The following WWP2 variants were observed in gnomAD, a reference collection of about 807,000 sequenced individuals.
WWP2 encodes the protein WW domain containing E3 ubiquitin protein ligase 2.
A neutral mutation model predicts 121.0 loss-of-function variants in WWP2; 57 were observed. That is an observed-to-expected ratio of 0.47 (90% CI 0.38 to 0.59). The LOEUF (loss-of-function observed/expected upper bound fraction) is 0.59, where lower values mean the gene tolerates loss of function less well. WWP2 is among the 20% of genes least tolerant of loss of function. The probability of loss-of-function intolerance (pLI) is 0.00; values close to 1 mark genes in which losing one functional copy is unlikely to be tolerated. For synonymous variants in WWP2, 449 were observed against 441.3 expected, an observed-to-expected ratio of 1.02 and a Z score of -0.22; for missense variants, 962 against 1,158.9, an observed-to-expected ratio of 0.83 and a Z score of 2.47.
chr16:69,796,358 G>A (rs1054717708), intron 2 of WWP2, among the ~76,000 whole-genome samples: 1 of 152,112 alleles, frequency 6.6e-6, no homozygotes, highest in African/African-American at 2.4e-5. Context: ...CTAATCTGCC[G>A]AGCATCATAG....
chr16:69,876,441 T>C (rs1401767955), intron 7 of WWP2, among the ~76,000 whole-genome samples: 1 of 151,438 alleles, frequency 6.6e-6, no homozygotes, highest in Non-Finnish European at 1.5e-5. Context: ...CTTGGCTCAC[T>C]ATAACCTACA....
At chr16:69,818,140 A>G (rs1209234742) in intron 4 of WWP2, among the ~76,000 whole-genome samples, 1 of 151,418 alleles carries the variant, frequency 6.6e-6, no homozygotes, top group African/African-American at 2.4e-5. Flanking sequence ...AGGCAAAGTG[A>G]TTTCTCTTTG....
intron 1 of WWP2, among the ~76,000 whole-genome samples, chr16:69,770,272 C>G (rs2055388070): frequency 6.6e-6 from 1 of 152,162 alleles, no homozygotes; most frequent in Admixed American, 6.6e-5. Flanking sequence ...AGGGTTGGCA[C>G]TTTTAGTCCC....
chr16:69,856,815 A>G (rs2057323052), intron 6 of WWP2, among the ~76,000 whole-genome samples: 1 of 151,292 alleles, frequency 6.6e-6, no homozygotes, highest in Non-Finnish European at 1.5e-5. Context: ...CAACAACAAA[A>G]CCCGTTTGGT....
rs114037522 is a variant in WWP2, at chr16:69,880,972, C to T, written c.704-7067C>T. Among the ~76,000 whole-genome samples the T allele has an allele frequency of 8.0e-3, 1,215 of 152,262 alleles. 17 individuals are homozygous for T. Among genetic ancestry groups the T allele is most frequent in the African/African-American group, 0.027 (1,103 of 41,540 alleles). On this transcript the variant is annotated intron_variant, in intron 7 of 23. Coordinates refer to ENST00000359154, the MANE Select transcript of WWP2 (RefSeq NM_001270454.2). ...CTCTAGGATTAAGCAAAAGAATTTC[C>T]AATTCCTGATCTTTTTTTTGGCTAA... is the stretch of plus-strand genomic sequence containing the variant.
At chr16:69,884,167 C>G (rs1426333415) in intron 7 of WWP2, among the ~76,000 whole-genome samples, 1 of 152,216 alleles carries the variant, frequency 6.6e-6, no homozygotes, top group Non-Finnish European at 1.5e-5. Context: ...TGTGTATGCA[C>G]ACAAACTCAC....
chr16:69,773,612 C>G (rs2055464494), intron 1 of WWP2, among the ~76,000 whole-genome samples: 1 of 152,052 alleles, frequency 6.6e-6, no homozygotes, highest in African/African-American at 2.4e-5. Context: ...TCCTGAGTAG[C>G]TGGGACTACA....
chr16:69,800,728 C>G (rs1039215034), intron 4 of WWP2, among the ~76,000 whole-genome samples: 33 of 151,480 alleles, frequency 2.2e-4, no homozygotes, highest in African/African-American at 7.5e-4. Flanking sequence ...CCATTCCCAG[C>G]TAATTTTTGT....
At chr16:69,855,529 G>A (rs943253546) in intron 6 of WWP2, among the ~76,000 whole-genome samples, 2 of 152,174 alleles carry the variant, frequency 1.3e-5, no homozygotes, top group Non-Finnish European at 2.9e-5. Context: ...TAAAAAATGA[G>A]TTTGATTCAT....
intron 6 of WWP2, among the ~76,000 whole-genome samples, chr16:69,853,333 C>A (rs1374702147): frequency 6.6e-6 from 1 of 152,158 alleles, no homozygotes; most frequent in Non-Finnish European, 1.5e-5. Flanking sequence ...AGTTCACATG[C>A]CAAGAAACTA....
rs769042617 is a variant in WWP2, at chr16:69,908,790, G to A, written c.944G>A (p.Arg315His). ...GWEQRELPNGRVYYVDHNTKT... is the reference protein window; with the variant it reads ...GWEQRELPNGHVYYVDHNTKT... ...GAACAGCGAGAGCTGCCCAACGGAC[G>A]TGTCTATTATGTTGACCACAATACC... Residue 315 changes from arginine (R) to histidine (H), a missense_variant, in exon 9 of 24, where the codon CGT becomes CAT. Around this residue, in one of 3 missense-constraint regions of WWP2, gnomAD observed 606 missense variants for 772.6 expected, o/e 0.78. Coordinates refer to ENST00000359154, the MANE Select transcript of WWP2 (RefSeq NM_001270454.2). 1.2e-5 allele frequency: 19 copies of A among 1,614,048 alleles called. No homozygotes were observed. The highest frequency in any genetic ancestry group is 2.2e-5 in the East Asian group (1 of 44,894).
In WWP2 at chr16:69,799,823, T is replaced by C. The variant is rs1415107366; in HGVS notation, c.340+528T>C. Among the ~76,000 whole-genome samples the C allele has an allele frequency of 6.6e-6, 1 of 152,156 alleles. No homozygotes were observed. Among genetic ancestry groups the C allele is most frequent in the African/African-American group, 2.4e-5 (1 of 41,440 alleles). On this transcript the variant is annotated intron_variant, in intron 4 of 23. Coordinates refer to ENST00000359154, the MANE Select transcript of WWP2 (RefSeq NM_001270454.2). The surrounding 1 kb of genome is among the most constrained non-coding windows in gnomAD (Gnocchi z 4.5). Reference sequence around the variant, plus strand: ...ATGTTGGAACGTGATGGACGCGCCATCTGAATTAGCCAACGTGCCTCTACG... The same window carrying C: ...ATGTTGGAACGTGATGGACGCGCCACCTGAATTAGCCAACGTGCCTCTACG...
chr16:69,907,924 G>A (rs2058318566), intron 8 of WWP2, among the ~76,000 whole-genome samples: 1 of 152,138 alleles, frequency 6.6e-6, no homozygotes, highest in African/African-American at 2.4e-5. Context: ...TATGATGCTC[G>A]GAGGAGAGGG....
At chr16:69,852,177 C>T (rs2057228453) in intron 6 of WWP2, among the ~76,000 whole-genome samples, 1 of 152,152 alleles carries the variant, frequency 6.6e-6, no homozygotes, top group Admixed American at 6.6e-5. Context: ...ACATCTTCAC[C>T]AGGTTTGATG....
At position 69,905,491 on chromosome 16, in the gene WWP2, C is replaced by T. The variant is rs75627846; in HGVS notation, c.915-3270C>T. Among the ~76,000 whole-genome samples the T allele has an allele frequency of 3.0e-3, 455 of 152,178 alleles. 2 individuals are homozygous for T. The highest frequency in any genetic ancestry group is 1.0e-2 in the African/African-American group (415 of 41,518). On this transcript the variant is annotated intron_variant, in intron 8 of 23. Transcript: ENST00000359154. ...CCCAAATCCAGAACTTTTTGAGTTC[C>T]GACATGATGCTTAAAGGAAATACTG...
At chr16:69,878,830 TTGAG>T (rs1292186959) in intron 7 of WWP2, among the ~76,000 whole-genome samples, 6 of 152,330 alleles carry the variant, frequency 3.9e-5, no homozygotes, top group Non-Finnish European at 8.8e-5. Context: ...GCTTTGTTTC[TTGAG>T]TGAAATTCTT....
At chr16:69,905,989 T>G (rs1327041672) in intron 8 of WWP2, among the ~76,000 whole-genome samples, 6 of 152,196 alleles carry the variant, frequency 3.9e-5, no homozygotes, top group Non-Finnish European at 2.9e-5. Flanking sequence ...TCGTGGTAGA[T>G]TCTCAGTGGG....
chr16:69,806,970 ATTC>A (rs2056290641), intron 4 of WWP2, among the ~76,000 whole-genome samples: 1 of 150,082 alleles, frequency 6.7e-6, no homozygotes, highest in Non-Finnish European at 1.5e-5. Flanking sequence ...TCATTCATTC[ATTC>A]ATTCATTCAT....
chr16:69,908,682 T>G, intron 8 of WWP2, 79 bp from the exon 9 acceptor site: 1 of 1,566,112 alleles, frequency 6.4e-7, no homozygotes, highest in Non-Finnish European at 8.6e-7. Flanking sequence ...GCCACATGAG[T>G]GATGAAGGTC....
Sources: allele counts gnomAD v4.1 joint callset (sites outside exome capture counted in the v4.1 genomes callset), GRCh38; gene constraint gnomAD v4.1.1; regional missense constraint gnomAD v4.1.1; non-coding constraint Gnocchi (gnomAD v3.1); transcripts MANE v1.5; gene names NCBI Gene and HGNC (gene_info 2026-07-23, HGNC 2026-07-21).